Variants in DRP2 observed in about 807,000 individuals in gnomAD.
DRP2 encodes dystrophin-related protein 2.
A neutral mutation model predicts 78.2 loss-of-function variants in DRP2; 29 were observed. The ratio of observed to expected loss-of-function variants is 0.37; its 90% confidence interval spans 0.28 to 0.51. The LOEUF (loss-of-function observed/expected upper bound fraction) is 0.51, where lower values mean the gene tolerates loss of function less well. DRP2 is among the 20% of genes least tolerant of loss of function. DRP2 has a pLI of 0.94. For synonymous variants in DRP2, 290 were observed against 281.9 expected (o/e 1.03, Z -0.29); for missense variants, 686 against 770.6 (o/e 0.89, Z 1.30).
chrX:101,239,715 C>G (rs1397409093), intron 6 of DRP2, among the ~76,000 whole-genome samples: 1 of 111,629 alleles, frequency 9.0e-6, no homozygotes, highest in Non-Finnish European at 1.9e-5. Flanking sequence ...GTAGCTGGGA[C>G]TATAGGCACC....
In DRP2 at chrX:101,251,033, G is replaced by A; in HGVS notation, c.1815G>A (p.Lys605=). ...LHRVTIAEQV[K]HQTKCSICRQ... ...GGGTCACCATTGCTGAGCAAGTGAAGCATCAGACCAAGTGCTCTATCTGTA... is the reference window on the plus strand; with the variant it reads ...GGGTCACCATTGCTGAGCAAGTGAAACATCAGACCAAGTGCTCTATCTGTA... The change falls in exon 16 of 24, where the codon AAG becomes AAA. Residue 605 remains lysine, a synonymous_variant. Coordinates refer to ENST00000395209, the MANE Select transcript of DRP2 (RefSeq NM_001939.3). 3.3e-6 allele frequency: 4 copies of A among 1,211,865 alleles called. No individual in the cohort carries two copies. The highest frequency in any genetic ancestry group is 3.4e-6 in the Non-Finnish European group (3 of 895,511).
intron 12 of DRP2, among the ~76,000 whole-genome samples, chrX:101,247,754 A>G (rs1922981073): frequency 8.9e-6 from 1 of 112,364 alleles, no homozygotes; most frequent in Non-Finnish European, 1.9e-5. Context: ...TGCAATTGAA[A>G]CTCATGCAAA....
At position 101,258,521 on chromosome X, in the gene DRP2, A is replaced by T; in HGVS notation, c.2603A>T (p.Gln868Leu). The T allele has an allele frequency of 8.4e-7, 1 of 1,183,643 alleles. No homozygotes were observed. The highest frequency in any genetic ancestry group is 1.1e-6 in the Non-Finnish European group (1 of 880,754). Reference sequence around the variant, plus strand: ...AACAAGCAGCTAGAGTCCCAGCTGCAGCGTCTGAGGGAGCTTCTCCTGCAG... The same window carrying T: ...AACAAGCAGCTAGAGTCCCAGCTGCTGCGTCTGAGGGAGCTTCTCCTGCAG... ...DHNKQLESQLQRLRELLLQPP... is the reference protein window; with the variant it reads ...DHNKQLESQLLRLRELLLQPP... Residue 868 changes from glutamine (Q) to leucine (L), a missense_variant, in exon 22 of 24, where the codon CAG (glutamine) becomes CTG (leucine). By Grantham distance (113) the Gln-to-Leu change is moderately radical. Transcript: ENST00000395209.
rs1922131320 is a variant in DRP2 at position 101,226,675 on chromosome X, A to G, written c.-64+1969A>G. ...GCAGGGTCCCTAGGGGAGGGCAGGG[A>G]AGGCTTATTGCCACCCAAAAAGCAT... On this transcript the variant is annotated intron_variant, in intron 2 of 23. Coordinates refer to ENST00000395209, the MANE Select transcript of DRP2 (RefSeq NM_001939.3). 2.7e-5 allele frequency among the ~76,000 whole-genome samples: 3 copies of G among 111,451 alleles called. 1 individual carries two copies. The South Asian group carries it at 1.1e-3, about 42-fold the overall frequency.
chrX:101,252,814 C>CA, intron 17 of DRP2, 98 bp downstream of exon 17: 8 of 627,772 alleles, frequency 1.3e-5, no homozygotes, highest in African/African-American at 2.2e-5. Context: ...TTCTGCTCTC[C>CA]CGTGGGGAGC....
chrX:101,237,689 C>T lies in DRP2; in HGVS notation c.352C>T (p.Leu118Phe). The T allele has an allele frequency of 8.5e-7, 1 of 1,178,552 alleles. No individual in the cohort carries two copies. The highest frequency in any genetic ancestry group is 1.7e-5 in the African/African-American group (1 of 57,418). Residue 118 changes from leucine (L) to phenylalanine (F), a missense_variant, in exon 5 of 24, where the codon CTC becomes TTC. Coordinates refer to ENST00000395209, the MANE Select transcript of DRP2 (RefSeq NM_001939.3). ...CCCTCTTCAAGAGATTATTGACTGG[C>T]TCAGCCAAAAGGATGAGGAGTTGTC... ...QLPLQEIIDW[L>F]SQKDEELSAQ...
rs771756940 is a variant in DRP2 at position 101,260,859 on chromosome X, C to T, written c.*238C>T. On this transcript the variant is annotated 3_prime_UTR_variant, in exon 24 of 24. Transcript: ENST00000395209. ...AAATGTTCCCTTTAATCTTCAAGTT[C>T]GAGATCAGCCCTTTAAGTACCTTTC... is the stretch of plus-strand genomic sequence containing the variant. 6.3e-5 allele frequency: 21 copies of T among 334,011 alleles called. No individual in the cohort carries two copies. In the South Asian group the frequency reaches 1.9e-3, roughly 30 times the overall value. The allele number at this position is 334,011 out of a possible 1,213,427, so 27.5% of individuals were successfully genotyped here.
chrX:101,242,593 G>A, intron 8 of DRP2, 122 bp downstream of exon 8: 1 of 911,792 alleles, frequency 1.1e-6, no homozygotes, highest in Non-Finnish European at 1.5e-6. Flanking sequence ...AGAATGTGGA[G>A]CTAGGGAATG....
chrX:101,241,064 A>G (rs912848687), intron 6 of DRP2, among the ~76,000 whole-genome samples: 6 of 112,423 alleles, frequency 5.3e-5, no homozygotes, highest in Non-Finnish European at 9.4e-5. Context: ...GGTCGTATGA[A>G]TAGGGCTCTA....
intron 1 of DRP2, among the ~76,000 whole-genome samples, chrX:101,220,820 C>T (rs1162447721): frequency 2.7e-5 from 3 of 111,542 alleles, no homozygotes; most frequent in Admixed American, 9.5e-5. Context: ...CCCTTATCTT[C>T]TCCCCTGGTT....
At chrX:101,244,889 G>C in intron 9 of DRP2, 128 bp from the exon 10 acceptor site, 1 of 568,781 alleles carries the variant, frequency 1.8e-6, no homozygotes, top group Admixed American at 3.3e-5. Context: ...GTTAAGAGCT[G>C]GCAATGAAAT....
intron 23 of DRP2, 103 bp from the exon 24 acceptor site, chrX:101,260,394 G>A (rs2032886578): frequency 1.0e-5 from 11 of 1,064,981 alleles, no homozygotes; most frequent in Non-Finnish European, 1.4e-5. Context: ...AGATGCAAAT[G>A]CTGCGGGCAG....
chrX:101,220,331 G>A (rs946999223), intron 1 of DRP2, among the ~76,000 whole-genome samples, 185 bp downstream of exon 1: 4 of 105,436 alleles, frequency 3.8e-5, no homozygotes, highest in Non-Finnish European at 5.8e-5. Flanking sequence ...GCCTGCCTGC[G>A]GTCTGCTTGC....
intron 7 of DRP2, 122 bp from the exon 8 acceptor site, chrX:101,242,203 C>T: frequency 9.7e-7 from 1 of 1,030,018 alleles, no homozygotes; most frequent in African/African-American, 1.9e-5. Context: ...CCCTAATAGG[C>T]AAGCACTAGG....
rs73556812 is a variant in DRP2 at position 101,242,108 on chromosome X, C to T, written c.828+172C>T. 0.19 allele frequency among the ~76,000 whole-genome samples: 21,337 copies of T among 110,641 alleles called. 2,371 individuals carry two copies. The highest frequency in any genetic ancestry group is 0.41 in the African/African-American group (12,499 of 30,224). ...GTTTGGCTGGAGTCTCTTCTGTTTT[C>T]CTACTTTCTTCTCTTTTCCTGGTGT... On this transcript the variant is annotated intron_variant, in intron 7 of 23. Transcript: ENST00000395209.
At chrX:101,237,038 T>C (rs140577935) in intron 4 of DRP2, among the ~76,000 whole-genome samples, 7,594 of 111,022 alleles carry the variant, frequency 0.068, 256 homozygotes, top group Middle Eastern at 0.11. Flanking sequence ...ACAGTACAGA[T>C]TTTTCTGTTT....
intron 16 of DRP2, 139 bp from the exon 17 acceptor site, chrX:101,252,466 A>T (rs1923171408): frequency 6.5e-6 from 3 of 464,668 alleles, no homozygotes; most frequent in Non-Finnish European, 1.2e-5. Flanking sequence ...TGCTATGTAT[A>T]CGAGGTTGGG....
At chrX:101,226,608 G>A (rs1411253578) in intron 2 of DRP2, among the ~76,000 whole-genome samples, 1 of 111,676 alleles carries the variant, frequency 9.0e-6, no homozygotes, top group Non-Finnish European at 1.9e-5. Context: ...TTAGAACCAG[G>A]AAGAGTATTT....
At chrX:101,258,774 C>G (rs777972795) in intron 22 of DRP2, among the ~76,000 whole-genome samples, 1 of 111,353 alleles carries the variant, frequency 9.0e-6, no homozygotes, top group Non-Finnish European at 1.9e-5. Flanking sequence ...TCCATGCCAC[C>G]CTGTGTGTCA....
Sources: allele counts gnomAD v4.1 joint callset (sites outside exome capture counted in the v4.1 genomes callset), GRCh38; gene constraint gnomAD v4.1.1; transcripts MANE v1.5; gene names NCBI Gene and HGNC (gene_info 2026-07-23, HGNC 2026-07-21).